The following NIPA1 variants were observed in gnomAD, a reference collection of about 807,000 sequenced individuals.
NIPA1 encodes magnesium transporter NIPA1.
NIPA1 carries 13 observed loss-of-function variants against 23.9 expected under a neutral mutation model. That is an observed-to-expected ratio of 0.54 (90% CI 0.35 to 0.87). The LOEUF (loss-of-function observed/expected upper bound fraction) is 0.87, where lower values mean the gene tolerates loss of function less well. NIPA1 is among the 40% of genes least tolerant of loss of function. NIPA1 has a pLI of 0.01. For synonymous variants in NIPA1, 234 were observed against 202.9 expected, an observed-to-expected ratio of 1.15 and a Z score of -1.30; for missense variants, 362 against 429.7, an observed-to-expected ratio of 0.84 and a Z score of 1.39.
chr15:22,823,802 C>T lies in NIPA1; in HGVS notation c.553C>T (p.Pro185Ser). ...CTTCTGGATCGCGCCGGCCCATGGG[C>T]CCACCAACATCATGGTCTACATCAG... ...LIFWIAPAHG[P>S]TNIMVYISIC... The change falls in exon 5 of 5, where the codon CCC (proline) becomes TCC (serine). Residue 185 changes from proline to serine, a missense_variant. By Grantham distance (74) the Pro-to-Ser change is moderately conservative. Around this residue, in one of 2 missense-constraint regions of NIPA1, gnomAD observed 277 missense variants for 372.0 expected, o/e 0.74. Coordinates refer to ENST00000337435, the MANE Select transcript of NIPA1 (RefSeq NM_144599.5). The T allele has an allele frequency of 6.2e-7, 1 of 1,613,726 alleles. No homozygotes were observed. The highest frequency in any genetic ancestry group is 2.2e-5 in the East Asian group (1 of 44,854).
rs1476741355 is a variant in NIPA1 at position 22,828,548 on chromosome 15, T to A, written c.*4309T>A. On this transcript the variant is annotated 3_prime_UTR_variant, in exon 5 of 5. Coordinates refer to ENST00000337435, the MANE Select transcript of NIPA1 (RefSeq NM_144599.5). ...TTGGCCCACTACCACGACTCATTTG[T>A]TTCATTCACATTCCTCACGTGCAAC... 6.6e-6 allele frequency: 1 copy of A among 152,550 alleles called. No individual in the cohort carries two copies. The highest frequency in any genetic ancestry group is 1.9e-4 in the East Asian group (1 of 5,200). The allele number at this position is 152,550 out of a possible 1,614,324, so 9.4% of individuals were successfully genotyped here. A position where few individuals can be genotyped will look rare whatever the true frequency, so the allele number is the denominator to read the frequency against.
chr15:22,826,371 A>G lies in NIPA1; in HGVS notation c.*2132A>G, dbSNP rs1185432280. ...CTTGCAGGTTTTGTGTTTTATCATC[A>G]GTGCTTTTAGAAATGCAGGCCTTAA... On this transcript the variant is annotated 3_prime_UTR_variant, in exon 5 of 5. Coordinates refer to ENST00000337435, the MANE Select transcript of NIPA1 (RefSeq NM_144599.5). 1 of 152,206 alleles carries G rather than the reference A, an allele frequency of 6.6e-6. No individual in the cohort carries two copies. The highest frequency in any genetic ancestry group is 1.5e-5 in the Non-Finnish European group (1 of 68,036). 9.4% of individuals were successfully genotyped at this position (152,206 alleles called of 1,614,324 possible). A position where few individuals can be genotyped will look rare whatever the true frequency, so the allele number is the denominator to read the frequency against.
chr15:22,817,930 G>T (rs1276287174), intron 3 of NIPA1, among the ~76,000 whole-genome samples: 1 of 152,168 alleles, frequency 6.6e-6, no homozygotes, highest in Non-Finnish European at 1.5e-5. Context: ...AATTTAACTG[G>T]CCAGGCACAG....
At chr15:22,795,431 G>A (rs908873113) in intron 1 of NIPA1, among the ~76,000 whole-genome samples, 5 of 152,008 alleles carry the variant, frequency 3.3e-5, no homozygotes, top group African/African-American at 9.7e-5. Flanking sequence ...ACTCAGTGCC[G>A]GACAGGACTG....
intron 4 of NIPA1, among the ~76,000 whole-genome samples, chr15:22,823,043 T>A (rs1459547567): frequency 8.1e-6 from 1 of 123,994 alleles, no homozygotes. Context: ...CTCAGCCTCC[T>A]GAGTAGCTGG....
At chr15:22,810,530 T>C (rs1348795131) in intron 1 of NIPA1, among the ~76,000 whole-genome samples, 1 of 152,116 alleles carries the variant, frequency 6.6e-6, no homozygotes, top group Non-Finnish European at 1.5e-5. Flanking sequence ...TGGGTCAGCC[T>C]GTGTTGGTTG....
At chr15:22,787,475 T>G (rs1476900130) in intron 1 of NIPA1, among the ~76,000 whole-genome samples, 1 of 152,194 alleles carries the variant, frequency 6.6e-6, no homozygotes, top group Admixed American at 6.5e-5. Flanking sequence ...ATCTTCAGTT[T>G]GGAGAACACG....
intron 3 of NIPA1, chr15:22,813,709 A>G (rs762289128): frequency 4.4e-6 from 2 of 454,356 alleles, no homozygotes; most frequent in South Asian, 1.6e-5. Flanking sequence ...TCACGTAGGC[A>G]TTAAGGTTCT....
At chr15:22,793,704 C>T (rs1455717494) in intron 1 of NIPA1, among the ~76,000 whole-genome samples, 1 of 152,106 alleles carries the variant, frequency 6.6e-6, no homozygotes, top group Non-Finnish European at 1.5e-5. Context: ...AGCCTTCCAA[C>T]TTATGTTTAA....
Position 22,824,269 on chromosome 15 carries a change from A to C in NIPA1, c.*30A>C. On this transcript the variant is annotated 3_prime_UTR_variant, in exon 5 of 5. Coordinates refer to ENST00000337435, the MANE Select transcript of NIPA1 (RefSeq NM_144599.5). The surrounding 1 kb of genome is among the most constrained non-coding windows in gnomAD (Gnocchi z 4.1). ...CAATAGGAGCTTGGATGGTTCGAGG[A>C]ATAGGCATTGGAGGTGGTTTCTGGC... The C allele has an allele frequency of 6.3e-7, 1 of 1,592,926 alleles. No individual in the cohort carries two copies. The highest frequency in any genetic ancestry group is 1.3e-5 in the African/African-American group (1 of 74,720).
rs1192218290 is a variant in NIPA1, at chr15:22,786,708, G to C, written c.52G>C (p.Glu18Gln). 4.3e-6 allele frequency: 5 copies of C among 1,175,982 alleles called. No homozygotes were observed. Among genetic ancestry groups the C allele is most frequent in the African/African-American group, 1.6e-5 (1 of 61,532 alleles). The allele number at this position is 1,175,982 out of a possible 1,614,324, so 72.8% of individuals were successfully genotyped here. A position where few individuals can be genotyped will look rare whatever the true frequency, so the allele number is the denominator to read the frequency against. ...GGCGGCGGCGGCGGCGGCGGCCGGG[G>C]AGGGGGCGCGTAGCCCGAGCCCCGC... Reference protein sequence around the residue: ...AAAAAAAAAGEGARSPSPAAV... With the variant: ...AAAAAAAAAGQGARSPSPAAV... Residue 18 changes from glutamate (E) to glutamine (Q), a missense_variant, in exon 1 of 5, where the codon GAG becomes CAG. Glu to Gln is a conservative substitution (Grantham distance 29, BLOSUM62 2). This residue lies in a region of NIPA1 where 85 missense variants were observed against 57.7 expected (regional missense o/e 1.47). Coordinates refer to ENST00000337435, the MANE Select transcript of NIPA1 (RefSeq NM_144599.5).
chr15:22,805,986 C>T lies in NIPA1; in HGVS notation c.179-4763C>T, dbSNP rs576030911. ...TCGCCCAGGCTGGAGTGCAGTGGCGCGATCTCGGCTCACTGCAAGCTCCGC... is the reference window on the plus strand; with the variant it reads ...TCGCCCAGGCTGGAGTGCAGTGGCGTGATCTCGGCTCACTGCAAGCTCCGC... On this transcript the variant is annotated intron_variant, in intron 1 of 4. Transcript: ENST00000337435. Among the ~76,000 whole-genome samples, 31 of 152,086 alleles carry T rather than the reference C, an allele frequency of 2.0e-4. No homozygotes were observed. In the South Asian group the frequency reaches 3.5e-3, roughly 17 times the overall value.
chr15:22,795,821 C>T (rs1894929122), intron 1 of NIPA1, among the ~76,000 whole-genome samples: 1 of 152,152 alleles, frequency 6.6e-6, no homozygotes, highest in East Asian at 1.9e-4. Flanking sequence ...TGCCTGGTCA[C>T]ACAACTGGTG....
intron 4 of NIPA1, among the ~76,000 whole-genome samples, chr15:22,823,187 A>G (rs1895577316): frequency 6.7e-6 from 1 of 149,250 alleles, no homozygotes; most frequent in African/African-American, 2.5e-5. Context: ...CTGGGATTAC[A>G]GGTGTGAGCC....
At chr15:22,810,420 A>G (rs1895295659) in intron 1 of NIPA1, among the ~76,000 whole-genome samples, 1 of 152,226 alleles carries the variant, frequency 6.6e-6, no homozygotes, top group African/African-American at 2.4e-5. Context: ...TAAAGACTCA[A>G]ACCCTTTTGA....
chr15:22,799,335 G>A (rs1895014002), intron 1 of NIPA1, among the ~76,000 whole-genome samples: 1 of 152,070 alleles, frequency 6.6e-6, no homozygotes, highest in African/African-American at 2.4e-5. Flanking sequence ...AATACCACAT[G>A]TTCTTACTTA....
At chr15:22,808,922 A>T (rs898878345) in intron 1 of NIPA1, among the ~76,000 whole-genome samples, 2 of 151,998 alleles carry the variant, frequency 1.3e-5, no homozygotes, top group African/African-American at 4.8e-5. Context: ...ATCCTGCCTC[A>T]GGCTTCCAAA....
At chr15:22,800,302 G>A (rs1356907045) in intron 1 of NIPA1, among the ~76,000 whole-genome samples, 1 of 152,022 alleles carries the variant, frequency 6.6e-6, no homozygotes, top group Non-Finnish European at 1.5e-5. Context: ...ATATTGCCAC[G>A]AGTCTTTCTT....
intron 3 of NIPA1, among the ~76,000 whole-genome samples, chr15:22,814,383 T>G (rs958868282): frequency 6.6e-6 from 1 of 152,234 alleles, no homozygotes; most frequent in Non-Finnish European, 1.5e-5. Flanking sequence ...TTTTGTATTT[T>G]TAGTAGAGAC....
Sources: gnomAD v4.1 joint callset for allele counts (sites outside exome capture counted in the v4.1 genomes callset) on GRCh38, gnomAD v4.1.1 for gene constraint, gnomAD v4.1.1 regional missense constraint, Gnocchi (gnomAD v3.1) non-coding constraint, MANE v1.5 for transcripts, NCBI Gene and HGNC (gene_info 2026-07-23, HGNC 2026-07-21) for gene names.